CNTNAP2: variants seen among roughly 807,000 people sequenced by gnomAD.
CNTNAP2 encodes contactin associated protein 2, also known as contactin-associated protein-like 2.
In CNTNAP2, 98 loss-of-function variants were observed where a neutral mutation model predicts 155.2. The ratio of observed to expected loss-of-function variants is 0.63; its 90% CI spans 0.54 to 0.75. The LOEUF is 0.75. Among genes scored for constraint, CNTNAP2 ranks in the 30% least tolerant of loss-of-function variants. The pLI, the probability that CNTNAP2 is intolerant of heterozygous loss-of-function variation, is 0.00. For missense variants in CNTNAP2, 1,727 were observed against 1,688.1 expected (o/e 1.02, Z -0.40); for synonymous variants, 651 against 631.2 (o/e 1.03, Z -0.47).
chr7:148,011,906 A>G (rs575840632), intron 15 of CNTNAP2, among the ~76,000 whole-genome samples: 83 of 152,310 alleles, frequency 5.4e-4, no homozygotes, highest in African/African-American at 1.9e-3. Context: ...TGTAGCCTTC[A>G]GGGGCCTCAG....
rs535472311 is a variant in CNTNAP2, at chr7:147,492,543, C to T, written c.1777+6502C>T. On this transcript the variant is annotated intron_variant, in intron 11 of 23. Coordinates refer to ENST00000361727, the MANE Select transcript of CNTNAP2 (RefSeq NM_014141.6). ...TATCATGTAATATTATATGTGTATC[C>T]TTGCTACAGGGAAGTTATGGAGAGG... Among the ~76,000 whole-genome samples, 301 of 152,162 alleles carry T rather than the reference C, an allele frequency of 2.0e-3. 2 individuals carry two copies. Among genetic ancestry groups the T allele is most frequent in the African/African-American group, 6.8e-3 (283 of 41,504 alleles).
intron 1 of CNTNAP2, among the ~76,000 whole-genome samples, chr7:146,560,540 A>G (rs373580948): frequency 6.6e-6 from 1 of 152,058 alleles, no homozygotes; most frequent in South Asian, 2.1e-4. Flanking sequence ...TTATTTCTCC[A>G]GCTTTACTAT....
At chr7:148,204,416 C>G (rs1795414037) in intron 18 of CNTNAP2, among the ~76,000 whole-genome samples, 1 of 152,104 alleles carries the variant, frequency 6.6e-6, no homozygotes, top group South Asian at 2.1e-4. Flanking sequence ...AAGATATGTA[C>G]TGCTTTTACA....
chr7:146,442,826 T>G (rs1796339423), intron 1 of CNTNAP2, among the ~76,000 whole-genome samples: 2 of 152,164 alleles, frequency 1.3e-5, no homozygotes, highest in South Asian at 4.1e-4. Context: ...TAAGCATTCT[T>G]CTTGTCTTGG....
chr7:148,361,673 A>C (rs1490020471), intron 21 of CNTNAP2, among the ~76,000 whole-genome samples: 1 of 152,228 alleles, frequency 6.6e-6, no homozygotes, highest in South Asian at 2.1e-4. Flanking sequence ...CCTTAACTAA[A>C]GATGACCTCA....
intron 2 of CNTNAP2, among the ~76,000 whole-genome samples, chr7:146,804,561 G>A (rs1391248755): frequency 6.6e-6 from 1 of 152,126 alleles, no homozygotes; most frequent in East Asian, 1.9e-4. Context: ...AGTATGAGAT[G>A]TTAGTCCTAT....
chr7:147,409,526 C>T (rs139259379), intron 10 of CNTNAP2, among the ~76,000 whole-genome samples: 93 of 152,206 alleles, frequency 6.1e-4, no homozygotes, highest in African/African-American at 2.2e-3. Context: ...AAAGCAATTG[C>T]AACACAAGCA....
intron 9 of CNTNAP2, among the ~76,000 whole-genome samples, chr7:147,325,963 C>T (rs561060186): frequency 6.6e-6 from 1 of 152,292 alleles, no homozygotes; most frequent in Admixed American, 6.5e-5. Flanking sequence ...TGCTCTGTAG[C>T]CCTGGCTGGA....
intron 12 of CNTNAP2, among the ~76,000 whole-genome samples, chr7:147,578,592 T>C (rs899302638): frequency 1.3e-5 from 2 of 152,160 alleles, no homozygotes; most frequent in African/African-American, 4.8e-5. Context: ...TTTTCAGAGA[T>C]GTGAAGTATA....
intron 1 of CNTNAP2, among the ~76,000 whole-genome samples, chr7:146,209,384 A>T (rs1451268116): frequency 1.3e-5 from 2 of 152,176 alleles, no homozygotes; most frequent in Non-Finnish European, 2.9e-5. Flanking sequence ...TCCTGTTCTT[A>T]TGCAACATCA....
intron 1 of CNTNAP2, among the ~76,000 whole-genome samples, chr7:146,633,129 G>C (rs940213614): frequency 1.3e-5 from 2 of 152,006 alleles, no homozygotes; most frequent in Non-Finnish European, 2.9e-5. Flanking sequence ...TTCCCAGCTG[G>C]AGGCATCCGA....
intron 12 of CNTNAP2, among the ~76,000 whole-genome samples, chr7:147,602,139 G>A (rs1800959851): frequency 6.6e-6 from 1 of 151,794 alleles, no homozygotes. Flanking sequence ...ATTAGCAGTT[G>A]CAAAATCATG....
At chr7:147,850,192 A>T (rs1798905173) in intron 13 of CNTNAP2, among the ~76,000 whole-genome samples, 1 of 152,212 alleles carries the variant, frequency 6.6e-6, no homozygotes, top group South Asian at 2.1e-4. Context: ...TAAAACAGCT[A>T]GGAATCCAAC....
chr7:146,774,024 T>G (rs1376705018), intron 1 of CNTNAP2, among the ~76,000 whole-genome samples: 2 of 152,194 alleles, frequency 1.3e-5, no homozygotes, highest in Admixed American at 6.5e-5. Flanking sequence ...ATAGCAAGAC[T>G]GAGGTGAAGT....
chr7:147,135,648 T>C (rs1331505688), intron 8 of CNTNAP2, among the ~76,000 whole-genome samples: 3 of 151,528 alleles, frequency 2.0e-5, no homozygotes, highest in Admixed American at 6.6e-5. Flanking sequence ...ATAATTTTGA[T>C]CAAAGTACAG....
intron 14 of CNTNAP2, among the ~76,000 whole-genome samples, chr7:147,949,188 G>A (rs928408866): frequency 4.0e-5 from 6 of 150,436 alleles, no homozygotes; most frequent in Non-Finnish European, 8.9e-5. Context: ...CAATAAGAGC[G>A]AAACTCCGTC....
chr7:147,793,713 G>A (rs186595170), intron 13 of CNTNAP2, among the ~76,000 whole-genome samples: 1 of 152,128 alleles, frequency 6.6e-6, no homozygotes, highest in African/African-American at 2.4e-5. Flanking sequence ...GAAATCAGGT[G>A]GGGATTTAAT....
At chr7:147,017,845 CA>C (rs1053114323) in intron 3 of CNTNAP2, among the ~76,000 whole-genome samples, 5 of 151,930 alleles carry the variant, frequency 3.3e-5, no homozygotes, top group Non-Finnish European at 7.4e-5. Context: ...AGAATATGAT[CA>C]ATGAATGAAA....
chr7:146,368,581 CA>C (rs1406721413), intron 1 of CNTNAP2, among the ~76,000 whole-genome samples: 1 of 151,902 alleles, frequency 6.6e-6, no homozygotes, highest in Non-Finnish European at 1.5e-5. Context: ...CTGTTCCAGT[CA>C]AAAATAAAAT....
Sources: gnomAD v4.1 joint callset for allele counts (sites outside exome capture counted in the v4.1 genomes callset) on GRCh38, gnomAD v4.1.1 for gene constraint, MANE v1.5 for transcripts, NCBI Gene and HGNC (gene_info 2026-07-23, HGNC 2026-07-21) for gene names.